The following IMPA1 variants were observed in gnomAD, a reference collection of about 807,000 sequenced individuals.
IMPA1 encodes the protein D-galactose 1-phosphate phosphatase.
IMPA1 carries 21 observed loss-of-function variants against 34.9 expected under a neutral mutation model. That is an observed-to-expected ratio of 0.60 (90% CI 0.43 to 0.87). The LOEUF is 0.87. Among genes scored for constraint, IMPA1 ranks in the 40% least tolerant of loss-of-function variants. IMPA1 has a pLI of 0.00. For missense variants in IMPA1, 299 were observed against 336.4 expected (o/e 0.89, Z 0.87); for synonymous variants, 95 against 104.4 (o/e 0.91, Z 0.55).
chr8:81,681,698 G>GC, intron 1 of IMPA1, 114 bp from the exon 2 acceptor site: 1 of 638,648 alleles, frequency 1.6e-6, no homozygotes, highest in Non-Finnish European at 2.8e-6. Flanking sequence ...CTGCCCTAGA[G>GC]TTTTTCCCAA....
chr8:81,663,131 G>C (rs1278912917), intron 7 of IMPA1, among the ~76,000 whole-genome samples: 1 of 152,124 alleles, frequency 6.6e-6, no homozygotes. Flanking sequence ...AAAATCTGAA[G>C]TAAAAATTAG....
rs550858318 is a variant in IMPA1 at position 81,680,566 on chromosome 8, C to T, written c.197+84G>A. 8.0e-5 allele frequency: 80 copies of T among 1,002,136 alleles called. No homozygotes were observed. The East Asian group carries it at 1.2e-3, about 15-fold the overall frequency. 62.1% of individuals were successfully genotyped at this position (1,002,136 alleles called of 1,614,324 possible). ...CTTCATGGAAGACCTTGGCAAGAAC[C>T]GTGTAGTCAAGCTACTCTCATATGC... On this transcript the variant is annotated intron_variant, in intron 3 of 8. Transcript: ENST00000256108.
chr8:81,672,957 T>C (rs979796427), intron 6 of IMPA1, among the ~76,000 whole-genome samples: 2 of 152,128 alleles, frequency 1.3e-5, no homozygotes, highest in Admixed American at 6.5e-5. Flanking sequence ...AAAATAAATC[T>C]GAGGACCCAA....
intron 7 of IMPA1, among the ~76,000 whole-genome samples, chr8:81,662,369 A>G (rs1225606389): frequency 6.6e-6 from 1 of 152,222 alleles, no homozygotes; most frequent in Non-Finnish European, 1.5e-5. Context: ...AACAACAGTG[A>G]TATCTACTAG....
chr8:81,666,144 G>C (rs995132353), intron 7 of IMPA1, among the ~76,000 whole-genome samples: 1 of 152,300 alleles, frequency 6.6e-6, no homozygotes, highest in South Asian at 2.1e-4. Flanking sequence ...AGAGAGAAAA[G>C]GGGAATGGGA....
chr8:81,685,762 C>G, intron 1 of IMPA1: 1 of 1,514,848 alleles, frequency 6.6e-7, no homozygotes, highest in East Asian at 2.6e-5. Flanking sequence ...AGTTTACTCA[C>G]TTTCATTTTC....
chr8:81,668,561 C>T (rs1806900563), intron 7 of IMPA1, among the ~76,000 whole-genome samples: 1 of 152,116 alleles, frequency 6.6e-6, no homozygotes, highest in African/African-American at 2.4e-5. Context: ...CCACTGCAAT[C>T]CAGCCTGGGC....
intron 7 of IMPA1, among the ~76,000 whole-genome samples, chr8:81,666,546 G>T (rs9643760): frequency 0.029 from 4,487 of 152,246 alleles, 97 homozygotes; most frequent in East Asian, 0.086. Context: ...AAAATAAAAG[G>T]GTGGACAAAG....
chr8:81,673,803 A>T, intron 6 of IMPA1, 38 bp downstream of exon 6: 1 of 1,109,842 alleles, frequency 9.0e-7, no homozygotes, highest in Non-Finnish European at 1.4e-6. Context: ...TATTGAGCAC[A>T]CAATATGAAT....
intron 4 of IMPA1, 125 bp downstream of exon 4, chr8:81,679,001 T>G (rs1355328853): frequency 3.3e-6 from 2 of 610,536 alleles, no homozygotes; most frequent in Non-Finnish European, 5.8e-6. Flanking sequence ...ATATACTTTA[T>G]TAGAATAAAG....
chr8:81,664,476 C>A, intron 7 of IMPA1, among the ~76,000 whole-genome samples: 1 of 152,016 alleles, frequency 6.6e-6, no homozygotes, highest in Non-Finnish European at 1.5e-5. Context: ...AGCAGAGGAC[C>A]CACAGGGAAC....
At chr8:81,674,123 G>C in intron 5 of IMPA1, 174 bp from the exon 6 acceptor site, 1 of 545,216 alleles carries the variant, frequency 1.8e-6, no homozygotes, top group Non-Finnish European at 3.3e-6. Flanking sequence ...GAGGTCACCA[G>C]AACTGATATC....
At chr8:81,672,717 T>G (rs940629196) in intron 6 of IMPA1, among the ~76,000 whole-genome samples, 1 of 152,210 alleles carries the variant, frequency 6.6e-6, no homozygotes, top group Non-Finnish European at 1.5e-5. Flanking sequence ...CTGCACTTCC[T>G]TTTTTGAGGC....
rs917016993 is a variant in IMPA1, at chr8:81,686,295, C to A, written c.-68G>T. ...CGGCTAGCTCTGTGAACGGTGTTAC[C>A]GCACTCGTCTCTTCCGGAGGTAGAG... On this transcript the variant is annotated 5_prime_UTR_variant, in exon 1 of 9. Coordinates refer to ENST00000256108, the MANE Select transcript of IMPA1 (RefSeq NM_005536.4). 5.0e-6 allele frequency: 5 copies of A among 990,208 alleles called. No homozygotes were observed. The highest frequency in any genetic ancestry group is 4.8e-6 in the Non-Finnish European group (4 of 832,896). 61.3% of individuals were successfully genotyped at this position (990,208 alleles called of 1,614,324 possible). A position where few individuals can be genotyped will look rare whatever the true frequency, so the allele number is the denominator to read the frequency against.
rs1250912244 is a variant in IMPA1 at position 81,658,757 on chromosome 8, C to G, written c.*594G>C. Reference sequence around the variant, plus strand: ...AAAGTACAGAATGCTGAGTTCATTACTTTATGTATCTATTGTAACTAGGAA... The same window carrying G: ...AAAGTACAGAATGCTGAGTTCATTAGTTTATGTATCTATTGTAACTAGGAA... On this transcript the variant is annotated 3_prime_UTR_variant, in exon 9 of 9. Coordinates refer to ENST00000256108, the MANE Select transcript of IMPA1 (RefSeq NM_005536.4). The G allele has an allele frequency of 1.3e-5, 2 of 152,560 alleles. No individual in the cohort carries two copies. The highest frequency in any genetic ancestry group is 1.9e-4 in the East Asian group (1 of 5,202). The allele number at this position is 152,560 out of a possible 1,614,324, so 9.5% of individuals were successfully genotyped here.
chr8:81,677,281 G>C (rs997014871), intron 4 of IMPA1, among the ~76,000 whole-genome samples: 1 of 152,154 alleles, frequency 6.6e-6, no homozygotes, highest in Admixed American at 6.5e-5. Flanking sequence ...TTTACGTAGA[G>C]ACGGGGTTTC....
chr8:81,666,476 AAATTCCAT>A (rs1223016873), intron 7 of IMPA1, among the ~76,000 whole-genome samples: 2 of 152,384 alleles, frequency 1.3e-5, no homozygotes, highest in South Asian at 4.1e-4. Flanking sequence ...TTATAAAGTG[AAATTCCAT>A]GCAATGCTGT....
chr8:81,673,474 C>A (rs935050467), intron 6 of IMPA1, among the ~76,000 whole-genome samples: 5 of 152,180 alleles, frequency 3.3e-5, no homozygotes, highest in South Asian at 2.1e-4. Flanking sequence ...GTACCCCAAC[C>A]ACCTCGGGCA....
chr8:81,664,044 AT>A (rs1366522259), intron 7 of IMPA1, among the ~76,000 whole-genome samples: 5 of 152,294 alleles, frequency 3.3e-5, no homozygotes, highest in East Asian at 1.9e-4. Flanking sequence ...AGAAAAAAAA[AT>A]AAATACATAA....
Sources: allele counts gnomAD v4.1 joint callset (sites outside exome capture counted in the v4.1 genomes callset), GRCh38; gene constraint gnomAD v4.1.1; transcripts MANE v1.5; gene names NCBI Gene and HGNC (gene_info 2026-07-23, HGNC 2026-07-21).